Variants in DAZAP1 observed in about 807,000 individuals in gnomAD.
The protein encoded by DAZAP1 is DAZ-associated protein 1.
DAZAP1 carries 6 observed loss-of-function variants against 60.1 expected under a neutral mutation model. The ratio of observed to expected loss-of-function variants is 0.10; its 90% confidence interval spans 0.05 to 0.20. The LOEUF is 0.20. DAZAP1 is among the 10% of genes least tolerant of loss of function. The pLI is 1.00. For missense variants in DAZAP1, 366 were observed against 560.4 expected, an observed-to-expected ratio of 0.65 and a Z score of 3.50; for synonymous variants, 235 against 215.9, an observed-to-expected ratio of 1.09 and a Z score of -0.78.
Position 1,430,270 on chromosome 19 carries a change from C to CCCCCAGA in DAZAP1, c.779_780insCCCCAGA (p.Phe262ArgfsTer167). 1.5e-6 allele frequency: 2 copies of CCCCCAGA among 1,368,650 alleles called. No homozygotes were observed. The highest frequency in any genetic ancestry group is 2.0e-6 in the Non-Finnish European group (2 of 979,206). 84.8% of individuals were successfully genotyped at this position (1,368,650 alleles called of 1,614,324 possible). ...GGAAGAGGAGCCCCCCCGCCACCCC[C>CCCCCAGA]ACCGTTCACCTCCTACATCGTGTCC... is the stretch of plus-strand genomic sequence containing the variant. On this transcript the variant is annotated frameshift_variant, in exon 10 of 12. Transcript: ENST00000233078. LOFTEE classifies it high-confidence loss of function.
At chr19:1,413,921 G>C (rs1237467432) in intron 1 of DAZAP1, among the ~76,000 whole-genome samples, 1 of 151,832 alleles carries the variant, frequency 6.6e-6, no homozygotes, top group Non-Finnish European at 1.5e-5. Flanking sequence ...TCTTGGCCCT[G>C]CCAGACTCAC....
chr19:1,409,624 G>A (rs995388730), intron 1 of DAZAP1, among the ~76,000 whole-genome samples: 5 of 152,260 alleles, frequency 3.3e-5, no homozygotes, highest in African/African-American at 1.2e-4. Context: ...CCCGTCGCAT[G>A]GGAGACCGGC....
In DAZAP1 at chr19:1,423,537, G is replaced by A. The variant is rs1569075583; in HGVS notation, c.463+1141G>A. Among the ~76,000 whole-genome samples the A allele has an allele frequency of 1.3e-5, 2 of 152,180 alleles. No individual in the cohort carries two copies. Among genetic ancestry groups the A allele is most frequent in the Non-Finnish European group, 1.5e-5 (1 of 68,016 alleles). ...ACGAAGTTTCAGGTGTTTCTGTCCC[G>A]CTTCCTCAGTGGTGATGTCGCCTCT... On this transcript the variant is annotated intron_variant, in intron 6 of 11. Coordinates refer to ENST00000233078, the MANE Select transcript of DAZAP1 (RefSeq NM_018959.4). This position sits in a 1 kb window ranked among gnomAD's most constrained non-coding sequence, Gnocchi z 6.8.
chr19:1,428,817 C>T lies in DAZAP1; in HGVS notation c.547-25C>T. On this transcript the variant is annotated intron_variant, in intron 7 of 11. Transcript: ENST00000233078. The surrounding 1 kb of genome is among the most constrained non-coding windows in gnomAD (Gnocchi z 4.0). ...GGGTGCTGGGACCCGCAGCCTCGCC[C>T]TAAACCAGAGCTCGGTTTGTTTAGG... The T allele has an allele frequency of 1.2e-6, 2 of 1,611,980 alleles. No individual in the cohort carries two copies. The highest frequency in any genetic ancestry group is 4.5e-5 in the East Asian group (2 of 44,730).
In DAZAP1 at chr19:1,428,902, G is replaced by A. The variant is rs1296863227; in HGVS notation, c.607G>A (p.Ala203Thr). The change falls in exon 8 of 12, where the codon GCC becomes ACC. Residue 203 changes from alanine to threonine, a missense_variant. Ala to Thr is a moderately conservative substitution (Grantham distance 58). Coordinates refer to ENST00000233078, the MANE Select transcript of DAZAP1 (RefSeq NM_018959.4). This position sits in a 1 kb window ranked among gnomAD's most constrained non-coding sequence, Gnocchi z 4.0. ...SKSQAPGQPGASQWGSRVVPN... is the reference protein window; with the variant it reads ...SKSQAPGQPGTSQWGSRVVPN... ...GAGCCAAGCGCCGGGACAGCCAGGT[G>A]CCAGCCAGTGGGGGAGCCGGGTTGT... 2 of 1,612,968 alleles carry A rather than the reference G, an allele frequency of 1.2e-6. No homozygotes were observed. The highest frequency in any genetic ancestry group is 1.7e-6 in the Non-Finnish European group (2 of 1,179,836).
rs1253882864 is a variant in DAZAP1 at position 1,425,350 on chromosome 19, G to T, written c.464-528G>T. On this transcript the variant is annotated intron_variant, in intron 6 of 11. Coordinates refer to ENST00000233078, the MANE Select transcript of DAZAP1 (RefSeq NM_018959.4). The surrounding 1 kb of genome is among the most constrained non-coding windows in gnomAD (Gnocchi z 5.4). ...ATTGCAAGCCAAGGGGGAGAATCCT[G>T]GGTTTCAGAGAAGCATACACACATC... Among the ~76,000 whole-genome samples the T allele has an allele frequency of 6.6e-6, 1 of 152,218 alleles. No homozygotes were observed. The highest frequency in any genetic ancestry group is 1.5e-5 in the Non-Finnish European group (1 of 68,034).
chr19:1,433,773 C>T lies in DAZAP1; in HGVS notation c.1049-964C>T, dbSNP rs577667721. The T allele has an allele frequency of 9.3e-6, 15 of 1,613,964 alleles. No homozygotes were observed. Among genetic ancestry groups the T allele is most frequent in the South Asian group, 4.4e-5 (4 of 91,092 alleles). On this transcript the variant is annotated intron_variant, in intron 11 of 11. Transcript: ENST00000233078. The surrounding 1 kb of genome is among the most constrained non-coding windows in gnomAD (Gnocchi z 6.1). ...CCTATTCTCCAGCCCCGCCGGGCTG[C>T]GGCCCACACTTTGTTTACAGTCTTA...
At position 1,434,733 on chromosome 19, in the gene DAZAP1, C is replaced by T. The variant is rs752210569; in HGVS notation, c.1049-4C>T. ...CCCCGAGCTCACAGGACTTTCTCCCCCAGCAGGTTACGGGCAGGACTTGAG... is the reference window on the plus strand; with the variant it reads ...CCCCGAGCTCACAGGACTTTCTCCCTCAGCAGGTTACGGGCAGGACTTGAG... On this transcript the variant is annotated splice_region_variant and splice_polypyrimidine_tract_variant and intron_variant, in intron 11 of 11. Transcript: ENST00000233078. This position sits in a 1 kb window ranked among gnomAD's most constrained non-coding sequence, Gnocchi z 8.0. 1 of 1,611,370 alleles carries T rather than the reference C, an allele frequency of 6.2e-7. No homozygotes were observed. Among genetic ancestry groups the T allele is most frequent in the Non-Finnish European group, 8.5e-7 (1 of 1,178,948 alleles).
chr19:1,416,277 G>A lies in DAZAP1; in HGVS notation c.30-1223G>A, dbSNP rs1348335902. ...TGTGGTTGGCCGTCAGGGATACAGG[G>A]CCCCGCGTGGGAATGGTGCTTTCAG... On this transcript the variant is annotated intron_variant, in intron 1 of 11. Transcript: ENST00000233078. The surrounding 1 kb of genome is among the most constrained non-coding windows in gnomAD (Gnocchi z 4.3). The A allele has an allele frequency of 3.3e-5, 5 of 152,280 alleles. No homozygotes were observed. The highest frequency in any genetic ancestry group is 6.5e-5 in the Admixed American group (1 of 15,284). 9.4% of individuals were successfully genotyped at this position (152,280 alleles called of 1,614,324 possible).
Position 1,432,686 on chromosome 19 carries a change from G to T in DAZAP1, c.1044G>T (p.Gln348His). The T allele has an allele frequency of 5.6e-6, 9 of 1,599,164 alleles. No individual in the cohort carries two copies. The highest frequency in any genetic ancestry group is 7.7e-6 in the Non-Finnish European group (9 of 1,171,574). ...PTAQPDFPYG[Q>H]YAGYGQDLSG... ...CTCAGCCAGACTTCCCCTATGGTCA[G>T]TATGGTAAGTGGTCTCCTGCCATGC... Residue 348 changes from glutamine (Q) to histidine (H), a missense_variant, in exon 11 of 12, where the codon CAG becomes CAT. By Grantham distance (24) the Gln-to-His change is conservative (BLOSUM62 0). Around this residue, in one of 3 missense-constraint regions of DAZAP1, gnomAD observed 240 missense variants for 308.8 expected, o/e 0.78. Coordinates refer to ENST00000233078, the MANE Select transcript of DAZAP1 (RefSeq NM_018959.4). This position sits in a 1 kb window ranked among gnomAD's most constrained non-coding sequence, Gnocchi z 4.9.
intron 1 of DAZAP1, among the ~76,000 whole-genome samples, chr19:1,414,605 G>A (rs1023835429): frequency 1.3e-5 from 2 of 151,606 alleles, no homozygotes; most frequent in African/African-American, 2.4e-5. Context: ...ATTAGCTGGC[G>A]GGCGCCTGTA....
rs1203001178 is a variant in DAZAP1, at chr19:1,433,487, GGGTGTGGGAGCTGTGTTCGGCCGA to G, written c.1048+802_1048+825del. The G allele has an allele frequency of 1.3e-5, 7 of 536,798 alleles. No individual in the cohort carries two copies. Among genetic ancestry groups the G allele is most frequent in the African/African-American group, 3.8e-5 (2 of 51,986 alleles). The allele number at this position is 536,798 out of a possible 1,614,324, so 33.3% of individuals were successfully genotyped here. A position where few individuals can be genotyped will look rare whatever the true frequency, so the allele number is the denominator to read the frequency against. ...CTTCCTCTAGGCCTGGTGGAGGCCG[GGGTGTGGGAGCTGTGTTCGGCCGA>G]GGTGCCCGCCCACCCACCTCGCATG... On this transcript the variant is annotated intron_variant, in intron 11 of 11. Transcript: ENST00000233078. The surrounding 1 kb of genome is among the most constrained non-coding windows in gnomAD (Gnocchi z 6.1).
chr19:1,421,517 C>G (rs565608941), intron 5 of DAZAP1, among the ~76,000 whole-genome samples: 1 of 152,380 alleles, frequency 6.6e-6, no homozygotes, highest in South Asian at 2.1e-4. Flanking sequence ...CCGCCCGATT[C>G]CATTGTGAAC....
intron 1 of DAZAP1, chr19:1,417,270 G>T: frequency 1.7e-6 from 1 of 589,564 alleles, no homozygotes; most frequent in Non-Finnish European, 3.0e-6. Flanking sequence ...GTGCGGCTCT[G>T]TGGCACGGTC....
chr19:1,430,126 GGGCCTGCTAGGGCCCCTGGCA>G (rs1416632116), intron 9 of DAZAP1, 75 bp from the exon 10 acceptor site: 5 of 1,507,622 alleles, frequency 3.3e-6, no homozygotes, highest in Non-Finnish European at 3.6e-6. Flanking sequence ...AGAGGGTGAG[GGGCCTGCTAGGGCCCCTGGCA>G]GGCCTGGGTC....
At chr19:1,411,998 C>T (rs1481902474) in intron 1 of DAZAP1, among the ~76,000 whole-genome samples, 2 of 152,236 alleles carry the variant, frequency 1.3e-5, no homozygotes, top group Admixed American at 1.3e-4. Flanking sequence ...TCGACAGATG[C>T]TTATAGGCTG....
intron 6 of DAZAP1, among the ~76,000 whole-genome samples, chr19:1,424,325 C>G (rs1392666527): frequency 7.0e-6 from 1 of 142,532 alleles, no homozygotes; most frequent in Non-Finnish European, 1.6e-5. Flanking sequence ...CTTCCTCCTC[C>G]TCTTCCCCCT....
Position 1,432,063 on chromosome 19 carries a change from ACAGAG to A in DAZAP1, c.872-450_872-446del, listed in dbSNP as rs2083466055. 1 of 171,706 alleles carries A rather than the reference ACAGAG, an allele frequency of 5.8e-6. No homozygotes were observed. The highest frequency in any genetic ancestry group is 2.4e-5 in the African/African-American group (1 of 41,666). 10.6% of individuals were successfully genotyped at this position (171,706 alleles called of 1,614,324 possible). On this transcript the variant is annotated intron_variant, in intron 10 of 11. Transcript: ENST00000233078. The surrounding 1 kb of genome is among the most constrained non-coding windows in gnomAD (Gnocchi z 4.9). ...ACCTCGGCCTGCCTGATATCCAGCA[ACAGAG>A]GGCAAGGGCGGCAGCACCTCCAGCA... is the stretch of plus-strand genomic sequence containing the variant.
intron 4 of DAZAP1, among the ~76,000 whole-genome samples, chr19:1,420,397 C>CA (rs1293520821): frequency 6.6e-6 from 1 of 151,894 alleles, no homozygotes; most frequent in East Asian, 1.9e-4. Flanking sequence ...TCCCGACCGT[C>CA]ACGGCGGCGA....
Sources: allele counts gnomAD v4.1 joint callset (sites outside exome capture counted in the v4.1 genomes callset), GRCh38; gene constraint gnomAD v4.1.1; regional missense constraint gnomAD v4.1.1; non-coding constraint Gnocchi (gnomAD v3.1); transcripts MANE v1.5; gene names NCBI Gene and HGNC (gene_info 2026-07-23, HGNC 2026-07-21).